Variants in RALYL observed in about 807,000 individuals in gnomAD.
The protein encoded by RALYL is RNA-binding Raly-like protein.
In RALYL, 29 loss-of-function variants were observed where a neutral mutation model predicts 35.1. The observed-to-expected ratio is 0.83, with a 90% CI of 0.61 to 1.13. The LOEUF is 1.13. RALYL is among the 50% of genes most tolerant of loss of function. The pLI is 0.00. For missense variants in RALYL, 359 were observed against 360.4 expected, an observed-to-expected ratio of 1.00 and a Z score of 0.03; for synonymous variants, 120 against 127.6, an observed-to-expected ratio of 0.94 and a Z score of 0.40.
chr8:84,847,073 G>A (rs116260018), intron 4 of RALYL, among the ~76,000 whole-genome samples: 261 of 152,066 alleles, frequency 1.7e-3, no homozygotes, highest in African/African-American at 3.7e-3. Flanking sequence ...TAATTTCTTC[G>A]TCTACCAGTT....
At chr8:84,905,512 G>C (rs1190799161) in intron 8 of RALYL, among the ~76,000 whole-genome samples, 3 of 152,076 alleles carry the variant, frequency 2.0e-5, no homozygotes, top group Admixed American at 2.0e-4. Flanking sequence ...CTGTTTTCCA[G>C]AGTGGCTGCA....
intron 2 of RALYL, among the ~76,000 whole-genome samples, chr8:84,716,446 A>C (rs1181522444): frequency 6.6e-6 from 1 of 152,218 alleles, no homozygotes; most frequent in Non-Finnish European, 1.5e-5. Context: ...ATGAGGAAAA[A>C]TTCATTTACT....
intron 6 of RALYL, among the ~76,000 whole-genome samples, chr8:84,867,751 A>G (rs139392574): frequency 1.3e-3 from 199 of 152,286 alleles, no homozygotes; most frequent in African/African-American, 4.6e-3. Context: ...CATCAAAACT[A>G]ATTTATCTTT....
intron 2 of RALYL, among the ~76,000 whole-genome samples, chr8:84,759,947 C>A (rs1812301526): frequency 6.6e-6 from 1 of 152,242 alleles, no homozygotes; most frequent in Middle Eastern, 3.4e-3. Flanking sequence ...CCCTTTCAGG[C>A]AGGTACCCAG....
intron 2 of RALYL, among the ~76,000 whole-genome samples, chr8:84,566,460 A>T (rs149412040): frequency 1.8e-4 from 27 of 151,628 alleles, no homozygotes; most frequent in African/African-American, 6.3e-4. Flanking sequence ...TTCTCTGTGC[A>T]TACTAGAGCC....
intron 8 of RALYL, among the ~76,000 whole-genome samples, chr8:84,892,525 G>T (rs1415727202): frequency 6.6e-6 from 1 of 151,470 alleles, no homozygotes; most frequent in Non-Finnish European, 1.5e-5. Flanking sequence ...CAGGAGAATC[G>T]CTTGAACCCA....
intron 2 of RALYL, chr8:84,679,911 T>C: frequency 3.0e-6 from 1 of 328,702 alleles, no homozygotes; most frequent in Non-Finnish European, 6.0e-6. Context: ...GCAGGTTTGT[T>C]ACATGTATAT....
chr8:84,654,270 CATATATATATATATATATATAT>C lies in RALYL; in HGVS notation c.257-120286_257-120265del, dbSNP rs143309933. Among the ~76,000 whole-genome samples, 138 of 44,534 alleles carry C rather than the reference CATATATATATATATATATATAT, an allele frequency of 3.1e-3. 2 individuals are homozygous for C. Among genetic ancestry groups the C allele is most frequent in the South Asian group, 0.016 (10 of 612 alleles). The allele number at this position is 44,534 out of a possible 152,430, so 29.2% of individuals were successfully genotyped here. ...CAACGTATATGTATATCTCATGTTC[CATATATATATATATATATATAT>C]ATATATATATATATATATATATCAT... On this transcript the variant is annotated intron_variant, in intron 2 of 8. Transcript: ENST00000521268.
chr8:84,205,000 C>T (rs374017542), intron 1 of RALYL, among the ~76,000 whole-genome samples: 30 of 152,216 alleles, frequency 2.0e-4, no homozygotes, highest in African/African-American at 7.0e-4. Context: ...GGGCTAGTAA[C>T]TAGCAGAGCT....
At chr8:84,616,649 A>G (rs1260618400) in intron 2 of RALYL, among the ~76,000 whole-genome samples, 1 of 151,360 alleles carries the variant, frequency 6.6e-6, no homozygotes, top group East Asian at 1.9e-4. Context: ...TTGGTGTTTT[A>G]GACATGAAGT....
intron 1 of RALYL, among the ~76,000 whole-genome samples, chr8:84,327,945 A>T (rs551020933): frequency 5.9e-5 from 9 of 152,298 alleles, no homozygotes; most frequent in African/African-American, 2.2e-4. Context: ...GCTAACTAAA[A>T]AATGATTAAA....
chr8:84,483,290 T>A (rs574959301), intron 1 of RALYL, among the ~76,000 whole-genome samples: 1 of 152,220 alleles, frequency 6.6e-6, no homozygotes, highest in East Asian at 1.9e-4. Flanking sequence ...TTTTTTCCTC[T>A]GGAGATTAGA....
At chr8:84,545,940 A>G (rs1002191638) in intron 2 of RALYL, among the ~76,000 whole-genome samples, 3 of 152,114 alleles carry the variant, frequency 2.0e-5, no homozygotes, top group South Asian at 2.1e-4. Flanking sequence ...GATAGCTCCA[A>G]AAGGACTTTG....
intron 1 of RALYL, among the ~76,000 whole-genome samples, chr8:84,360,176 C>A (rs145537284): frequency 6.6e-6 from 1 of 152,090 alleles, no homozygotes; most frequent in Non-Finnish European, 1.5e-5. Context: ...CCTGGCCATG[C>A]GTTCATTTCT....
chr8:84,418,439 G>A (rs891766153), intron 1 of RALYL, among the ~76,000 whole-genome samples: 1 of 152,022 alleles, frequency 6.6e-6, no homozygotes, highest in African/African-American at 2.4e-5. Context: ...ATGATGTCTA[G>A]AACCGCCATT....
At chr8:84,647,234 G>T (rs571006026) in intron 2 of RALYL, among the ~76,000 whole-genome samples, 1 of 152,150 alleles carries the variant, frequency 6.6e-6, no homozygotes, top group East Asian at 1.9e-4. Context: ...TTGTGCAGTG[G>T]GATATTGGAT....
intron 4 of RALYL, 63 bp from the exon 5 acceptor site, chr8:84,849,917 G>A: frequency 1.1e-6 from 1 of 875,204 alleles, no homozygotes; most frequent in South Asian, 1.9e-5. Flanking sequence ...AACATCATAA[G>A]TTAATAATAA....
intron 1 of RALYL, among the ~76,000 whole-genome samples, chr8:84,315,730 A>G (rs1444463743): frequency 6.6e-6 from 1 of 152,058 alleles, no homozygotes; most frequent in Non-Finnish European, 1.5e-5. Context: ...GCCCAAGTGC[A>G]TAGGAAAATC....
intron 1 of RALYL, among the ~76,000 whole-genome samples, chr8:84,195,219 A>G (rs561986488): frequency 6.6e-6 from 1 of 152,244 alleles, no homozygotes; most frequent in African/African-American, 2.4e-5. Flanking sequence ...TCGGGGATCT[A>G]TTATATGTAA....
Sources: gnomAD v4.1 joint callset for allele counts (sites outside exome capture counted in the v4.1 genomes callset) on GRCh38, gnomAD v4.1.1 for gene constraint, MANE v1.5 for transcripts, NCBI Gene and HGNC (gene_info 2026-07-23, HGNC 2026-07-21) for gene names.